Variants in MAD1L1 observed in about 807,000 individuals in gnomAD.
MAD1L1 encodes mitotic arrest deficient 1 like 1.
In MAD1L1, 95 loss-of-function variants were observed where a neutral mutation model predicts 96.9. The ratio of observed to expected loss-of-function variants is 0.98; its 90% confidence interval spans 0.83 to 1.16. MAD1L1 has a LOEUF of 1.16. Ranked by LOEUF, MAD1L1 falls within the 50% of genes most tolerant of loss-of-function variation. MAD1L1 has a pLI of 0.00. For synonymous variants in MAD1L1, 473 were observed against 396.6 expected (o/e 1.19, Z -2.29); for missense variants, 1,007 against 954.4 (o/e 1.06, Z -0.73).
At chr7:1,845,022 G>A (rs923376461) in intron 18 of MAD1L1, among the ~76,000 whole-genome samples, 45 of 152,236 alleles carry the variant, frequency 3.0e-4, no homozygotes, top group African/African-American at 1.1e-3. Context: ...TGGACTCACA[G>A]TGGGCACAGG....
At chr7:1,909,937 A>C (rs1351322806) in intron 17 of MAD1L1, among the ~76,000 whole-genome samples, 2 of 152,172 alleles carry the variant, frequency 1.3e-5, no homozygotes, top group African/African-American at 4.8e-5. Context: ...ACCACCTGGC[A>C]GGCGCTGGCT....
intron 14 of MAD1L1, among the ~76,000 whole-genome samples, chr7:2,001,696 C>T (rs930616633): frequency 2.0e-5 from 3 of 152,248 alleles, no homozygotes; most frequent in East Asian, 1.9e-4. Context: ...CCTGTGTGGT[C>T]GGGACAGGGG....
intron 11 of MAD1L1, among the ~76,000 whole-genome samples, chr7:2,082,433 C>T (rs556099877): frequency 1.4e-3 from 220 of 152,226 alleles, no homozygotes; most frequent in Non-Finnish European, 2.1e-3. Flanking sequence ...GGGAAGGAGC[C>T]GGGCCTGGGA....
chr7:2,002,441 G>C (rs1345074739), intron 13 of MAD1L1, among the ~76,000 whole-genome samples: 2 of 152,264 alleles, frequency 1.3e-5, no homozygotes, highest in African/African-American at 4.8e-5. Flanking sequence ...GGGCCCAAGA[G>C]GGACTGTGGA....
At chr7:2,052,095 G>GC (rs750613405) in intron 12 of MAD1L1, among the ~76,000 whole-genome samples, 3 of 152,142 alleles carry the variant, frequency 2.0e-5, no homozygotes, top group Non-Finnish European at 2.9e-5. Flanking sequence ...CCCCCGGCAG[G>GC]CCAAGACCCA....
At chr7:2,069,852 C>A (rs1785044415) in intron 11 of MAD1L1, among the ~76,000 whole-genome samples, 1 of 152,248 alleles carries the variant, frequency 6.6e-6, no homozygotes, top group Non-Finnish European at 1.5e-5. Flanking sequence ...GCCCAAGAGG[C>A]CTCTCCCTGT....
chr7:2,014,235 G>C (rs879338383), intron 13 of MAD1L1, among the ~76,000 whole-genome samples: 3 of 152,186 alleles, frequency 2.0e-5, no homozygotes, highest in African/African-American at 7.2e-5. Context: ...CCAGTCAAAG[G>C]GGCACTGTCC....
chr7:1,954,141 C>G lies in MAD1L1; in HGVS notation c.1596+3488G>C, dbSNP rs145948403. 5.2e-3 allele frequency among the ~76,000 whole-genome samples: 795 copies of G among 152,314 alleles called. 3 individuals carry two copies. The highest frequency in any genetic ancestry group is 0.012 in the Admixed American group (179 of 15,310). ...CAGAACCACAGACGTGGAAAACGTC[C>G]AAGTGTCTTGGAGGTAAGGACGACG... On this transcript the variant is annotated intron_variant, in intron 16 of 18. Transcript: ENST00000265854.
Position 1,922,331 on chromosome 7 carries a change from G to C in MAD1L1, c.1807+14356C>G, listed in dbSNP as rs1277127834. ...TCGCCTCAGCAGCTTGCCGTTGTCG[G>C]CGTGCTGTGGTGTTAGTGATGCCTG... On this transcript the variant is annotated intron_variant, in intron 17 of 18. Transcript: ENST00000265854. Among the ~76,000 whole-genome samples the C allele has an allele frequency of 3.9e-5, 6 of 152,278 alleles. No homozygotes were observed. In the South Asian group the frequency reaches 1.2e-3, roughly 31 times the overall value.
At chr7:2,125,629 G>C (rs1788196979) in intron 11 of MAD1L1, among the ~76,000 whole-genome samples, 1 of 152,176 alleles carries the variant, frequency 6.6e-6, no homozygotes, top group Non-Finnish European at 1.5e-5. Context: ...GCTGGCTCGA[G>C]GTTTCTGACG....
chr7:2,126,947 G>A (rs1352613909), intron 11 of MAD1L1, among the ~76,000 whole-genome samples: 1 of 152,226 alleles, frequency 6.6e-6, no homozygotes, highest in Admixed American at 6.5e-5. Context: ...TTAAACAACG[G>A]CAGATTACAA....
intron 13 of MAD1L1, among the ~76,000 whole-genome samples, chr7:2,010,263 C>G (rs996946926): frequency 1.3e-5 from 2 of 151,706 alleles, no homozygotes; most frequent in Non-Finnish European, 2.9e-5. Flanking sequence ...AGTGACAGCA[C>G]CCGCAGAGCT....
chr7:2,178,718 G>A (rs1469008504), intron 10 of MAD1L1, among the ~76,000 whole-genome samples: 1 of 152,060 alleles, frequency 6.6e-6, no homozygotes, highest in African/African-American at 2.4e-5. Flanking sequence ...CCAACATGGC[G>A]AAACCCTGTC....
chr7:1,993,603 C>A (rs1781439557), intron 14 of MAD1L1, among the ~76,000 whole-genome samples: 1 of 152,220 alleles, frequency 6.6e-6, no homozygotes, highest in Non-Finnish European at 1.5e-5. Context: ...AGCAGGGATC[C>A]AAATCCTCTA....
intron 11 of MAD1L1, among the ~76,000 whole-genome samples, chr7:2,072,083 C>T (rs1327922209): frequency 6.6e-6 from 1 of 152,228 alleles, no homozygotes; most frequent in African/African-American, 2.4e-5. Context: ...TGGTAGGAAC[C>T]CCAGTTTACA....
chr7:1,843,498 T>C (rs755914405), intron 18 of MAD1L1, among the ~76,000 whole-genome samples: 9 of 152,204 alleles, frequency 5.9e-5, no homozygotes, highest in Non-Finnish European at 1.2e-4. Context: ...TTTTCCGCGC[T>C]TCCCCGTGTC....
chr7:2,220,205 GGAAC>G (rs1793522152), intron 5 of MAD1L1, among the ~76,000 whole-genome samples: 1 of 152,220 alleles, frequency 6.6e-6, no homozygotes, highest in Non-Finnish European at 1.5e-5. Flanking sequence ...CCGTGCGCTT[GGAAC>G]GGGAGCACGC....
intron 18 of MAD1L1, among the ~76,000 whole-genome samples, chr7:1,886,326 C>G (rs1195217018): frequency 1.3e-5 from 2 of 152,240 alleles, no homozygotes; most frequent in Admixed American, 1.3e-4. Flanking sequence ...ATTCACAAGC[C>G]TGCTTCAGAA....
At position 2,184,239 on chromosome 7, in the gene MAD1L1, G is replaced by A. The variant is rs1051220675; in HGVS notation, c.986+28973C>T. Among the ~76,000 whole-genome samples the A allele has an allele frequency of 5.3e-5, 8 of 151,908 alleles. No homozygotes were observed. In the East Asian group the frequency reaches 5.8e-4, roughly 11 times the overall value. On this transcript the variant is annotated intron_variant, in intron 10 of 18. Coordinates refer to ENST00000265854, the MANE Select transcript of MAD1L1 (RefSeq NM_001013836.2). ...TGCACTCCAGCCTGGGCAACAGAGC[G>A]AGACTCTGTCTCAAATAAAAATTTT...
Sources: gnomAD v4.1 joint callset for allele counts (sites outside exome capture counted in the v4.1 genomes callset) on GRCh38, gnomAD v4.1.1 for gene constraint, MANE v1.5 for transcripts, NCBI Gene and HGNC (gene_info 2026-07-23, HGNC 2026-07-21) for gene names.